The following LRRC37A2 variants were observed in gnomAD, a reference collection of about 807,000 sequenced individuals.
LRRC37A2 encodes the protein leucine rich repeat containing 37 member A2, also known as leucine-rich repeat-containing protein 37A2.
In LRRC37A2, 9 loss-of-function variants were observed where a neutral mutation model predicts 68.8. That is an observed-to-expected ratio of 0.13 (90% CI 0.08 to 0.23). LRRC37A2 has a LOEUF of 0.23. LRRC37A2 is among the 10% of genes least tolerant of loss of function. The pLI is 1.00. For synonymous variants in LRRC37A2, 63 were observed against 367.6 expected (o/e 0.17, Z 9.48); for missense variants, 168 against 950.4 (o/e 0.18, Z 10.82).
the LRRC37A2 span, among the ~76,000 whole-genome samples, chr17:46,819,333 G>T: frequency 1.3e-5 from 2 of 152,218 alleles, no homozygotes; most frequent in African/African-American, 2.4e-5. The surrounding 1 kb of genome is among the most constrained non-coding windows in gnomAD (Gnocchi z 5.3). Flanking sequence ...GGCGCCGGGG[G>T]ACGGAGCCGA....
chr17:47,037,511 T>C, the LRRC37A2 span, among the ~76,000 whole-genome samples: 16 of 152,258 alleles, frequency 1.1e-4, no homozygotes, highest in Non-Finnish European at 2.1e-4. Flanking sequence ...CAGAATACTC[T>C]GTTGAATTTG....
At chr17:46,993,804 C>A in the LRRC37A2 span, among the ~76,000 whole-genome samples, 1 of 152,152 alleles carries the variant, frequency 6.6e-6, no homozygotes, top group African/African-American at 2.4e-5. Context: ...CTACATGTGC[C>A]CGGGCTGACA....
chr17:46,859,733 C>T, the LRRC37A2 span, among the ~76,000 whole-genome samples: 12 of 152,218 alleles, frequency 7.9e-5, no homozygotes, highest in South Asian at 4.1e-4. Flanking sequence ...ACATGAAAGC[C>T]TCCTAGGATT....
At chr17:46,798,776 G>A in the LRRC37A2 span, among the ~76,000 whole-genome samples, 3 of 152,140 alleles carry the variant, frequency 2.0e-5, no homozygotes, top group South Asian at 2.1e-4. Context: ...TAGGCTGGGC[G>A]CAGTGGCTCA....
At chr17:46,661,488 CT>C in the LRRC37A2 span, among the ~76,000 whole-genome samples, 4 of 77,456 alleles carry the variant, frequency 5.2e-5, no homozygotes, top group Admixed American at 6.1e-4. Context: ...CTCTGCCCCC[CT>C]GGTTCAAGAG....
chr17:46,789,326 G>A, the LRRC37A2 span, among the ~76,000 whole-genome samples: 2 of 152,196 alleles, frequency 1.3e-5, no homozygotes, highest in East Asian at 3.9e-4. Flanking sequence ...CTGACCAGCT[G>A]GCTACTGGGG....
the LRRC37A2 span, among the ~76,000 whole-genome samples, chr17:47,008,963 A>C: frequency 1.3e-5 from 2 of 152,190 alleles, no homozygotes; most frequent in Non-Finnish European, 2.9e-5. Context: ...AAGGAAGATA[A>C]GAAAAATAAA....
the LRRC37A2 span, among the ~76,000 whole-genome samples, chr17:46,770,255 CT>C: frequency 6.6e-6 from 1 of 152,244 alleles, no homozygotes; most frequent in Non-Finnish European, 1.5e-5. Flanking sequence ...GATGAGCAAA[CT>C]GAGGCCCTGG....
chr17:46,999,998 C>CAAAAT, the LRRC37A2 span, among the ~76,000 whole-genome samples: 16 of 48,424 alleles, frequency 3.3e-4, no homozygotes, highest in African/African-American at 5.9e-4. Context: ...GACTCCATCT[C>CAAAAT]AAAATAAAAT....
At chr17:46,847,302 T>C in the LRRC37A2 span, among the ~76,000 whole-genome samples, 2 of 152,178 alleles carry the variant, frequency 1.3e-5, no homozygotes, top group African/African-American at 4.8e-5. Flanking sequence ...AAGTCTTCCA[T>C]CCCCGAGAGC....
At chr17:46,824,382 G>A in the LRRC37A2 span, among the ~76,000 whole-genome samples, 5 of 152,156 alleles carry the variant, frequency 3.3e-5, no homozygotes, top group Non-Finnish European at 7.3e-5. Context: ...CCAAGTAGCT[G>A]AGATTACAGG....
intron 6 of LRRC37A2, among the ~76,000 whole-genome samples, chr17:46,534,427 T>C (rs1263994015): frequency 1.4e-4 from 21 of 148,758 alleles, no homozygotes; most frequent in Non-Finnish European, 3.0e-4. Context: ...TTCAAGCATC[T>C]GTTTAACAAA....
chr17:46,721,519 G>A, the LRRC37A2 span: 1 of 1,011,096 alleles, frequency 9.9e-7, no homozygotes, highest in Non-Finnish European at 1.5e-6. Context: ...ATAGAACTGG[G>A]CTGACTATAC....
At chr17:47,004,025 C>T in the LRRC37A2 span, among the ~76,000 whole-genome samples, 12 of 152,300 alleles carry the variant, frequency 7.9e-5, no homozygotes, top group African/African-American at 2.6e-4. Context: ...CCAGCTTCAT[C>T]CATGTCCCTA....
intron 6 of LRRC37A2, among the ~76,000 whole-genome samples, chr17:46,534,521 C>G (rs370120827): frequency 1.3e-5 from 2 of 148,166 alleles, no homozygotes; most frequent in Non-Finnish European, 3.0e-5. Context: ...GGGGTAAGGT[C>G]ATAGATCAAC....
the LRRC37A2 span, chr17:46,704,858 A>AGT: frequency 0.16 from 248,065 of 1,565,310 alleles, no homozygotes; most frequent in Non-Finnish European, 0.18. Flanking sequence ...CAAACCAGTG[A>AGT]GTATGCCCAT....
chr17:46,890,379 G>A, the LRRC37A2 span, among the ~76,000 whole-genome samples: 1 of 152,188 alleles, frequency 6.6e-6, no homozygotes, highest in African/African-American at 2.4e-5. Flanking sequence ...CTGCCAATTC[G>A]ATAAGAGGCT....
the LRRC37A2 span, among the ~76,000 whole-genome samples, chr17:46,914,390 T>G: frequency 6.6e-6 from 1 of 151,870 alleles, no homozygotes; most frequent in Admixed American, 6.6e-5. Context: ...GGCTCACGCC[T>G]GTAATCCCGG....
At chr17:46,896,420 A>AAG in the LRRC37A2 span, among the ~76,000 whole-genome samples, 30 of 93,182 alleles carry the variant, frequency 3.2e-4, no homozygotes, top group Admixed American at 2.7e-3. Flanking sequence ...GAAAGAAAGA[A>AAG]AGAAAGAAAG....
Sources: allele counts gnomAD v4.1 joint callset (sites outside exome capture counted in the v4.1 genomes callset), GRCh38; gene constraint gnomAD v4.1.1; non-coding constraint Gnocchi (gnomAD v3.1); transcripts MANE v1.5; gene names NCBI Gene and HGNC (gene_info 2026-07-23, HGNC 2026-07-21).